Variants in PPARGC1A observed in about 807,000 individuals in gnomAD.
PPARGC1A encodes PPARG coactivator 1 alpha, also known as peroxisome proliferator-activated receptor gamma coactivator 1-alpha.
In PPARGC1A, 25 loss-of-function variants were observed where a neutral mutation model predicts 88.7. The observed-to-expected ratio is 0.28, with a 90% CI of 0.21 to 0.39. The LOEUF is 0.39. Ranked by LOEUF, PPARGC1A falls within the 10% of genes least tolerant of loss-of-function variation. The pLI is 1.00. For missense variants in PPARGC1A, 880 were observed against 968.7 expected (o/e 0.91, Z 1.22); for synonymous variants, 363 against 355.6 (o/e 1.02, Z -0.24).
the PPARGC1A span, among the ~76,000 whole-genome samples, chr4:24,336,788 C>G: frequency 6.6e-6 from 1 of 152,030 alleles, no homozygotes; most frequent in Non-Finnish European, 1.5e-5. Context: ...ATGAGGCAAA[C>G]ACAGTGGCTT....
At chr4:24,051,007 G>T in the PPARGC1A span, among the ~76,000 whole-genome samples, 1 of 151,848 alleles carries the variant, frequency 6.6e-6, no homozygotes, top group Non-Finnish European at 1.5e-5. Flanking sequence ...CTAACATGGT[G>T]AAACCCCGTC....
the PPARGC1A span, among the ~76,000 whole-genome samples, chr4:24,144,936 T>G: frequency 2.1e-5 from 3 of 143,262 alleles, no homozygotes; most frequent in Admixed American, 2.0e-4. Flanking sequence ...ATTTCAGGTT[T>G]TTTTTTTTTT....
chr4:23,852,914 C>T (rs1460216540), intron 2 of PPARGC1A, among the ~76,000 whole-genome samples: 2 of 152,126 alleles, frequency 1.3e-5, no homozygotes, highest in African/African-American at 4.8e-5. Flanking sequence ...CTTCCAGCTA[C>T]ATCATCACTG....
At chr4:24,375,904 A>G in the PPARGC1A span, among the ~76,000 whole-genome samples, 1 of 152,134 alleles carries the variant, frequency 6.6e-6, no homozygotes, top group Non-Finnish European at 1.5e-5. Context: ...CCAAGGGTGA[A>G]GAGGAAAGGC....
chr4:24,449,264 A>T, the PPARGC1A span, among the ~76,000 whole-genome samples: 1 of 152,136 alleles, frequency 6.6e-6, no homozygotes, highest in South Asian at 2.1e-4. Flanking sequence ...GTCTTCTACC[A>T]TCTGCTCACT....
the PPARGC1A span, among the ~76,000 whole-genome samples, chr4:24,104,189 G>T: frequency 1.4e-4 from 21 of 152,312 alleles, no homozygotes; most frequent in Non-Finnish European, 2.5e-4. Flanking sequence ...AGCAGCAAAA[G>T]CTCCTTAACA....
the PPARGC1A span, among the ~76,000 whole-genome samples, chr4:24,247,665 C>CA: frequency 6.6e-6 from 1 of 152,280 alleles, no homozygotes; most frequent in Admixed American, 6.5e-5. Context: ...GAGGTAGTTG[C>CA]CAGGATTGGC....
chr4:24,260,219 A>G, the PPARGC1A span, among the ~76,000 whole-genome samples: 3 of 152,256 alleles, frequency 2.0e-5, no homozygotes, highest in East Asian at 5.8e-4. Flanking sequence ...CGGAGGCAAG[A>G]ATGTGCATGT....
At chr4:24,151,377 G>A in the PPARGC1A span, among the ~76,000 whole-genome samples, 1 of 152,156 alleles carries the variant, frequency 6.6e-6, no homozygotes, top group Non-Finnish European at 1.5e-5. Flanking sequence ...AGTGAAGAGA[G>A]AAAGGGCTCT....
chr4:24,078,622 C>T, the PPARGC1A span, among the ~76,000 whole-genome samples: 2 of 152,034 alleles, frequency 1.3e-5, no homozygotes, highest in Non-Finnish European at 2.9e-5. Context: ...CGTATCTCAC[C>T]TTCTACCTTC....
At chr4:24,157,713 G>A in the PPARGC1A span, among the ~76,000 whole-genome samples, 1 of 151,832 alleles carries the variant, frequency 6.6e-6, no homozygotes, top group Non-Finnish European at 1.5e-5. Flanking sequence ...TATTCCAAGA[G>A]CTCTGCTTCC....
intron 2 of PPARGC1A, among the ~76,000 whole-genome samples, chr4:23,873,585 T>G (rs1487688840): frequency 6.7e-6 from 1 of 150,250 alleles, no homozygotes; most frequent in African/African-American, 2.4e-5. Context: ...TTTAGTAAGG[T>G]GCAAATTTGG....
the PPARGC1A span, among the ~76,000 whole-genome samples, chr4:24,315,907 A>C: frequency 2.6e-5 from 4 of 152,190 alleles, no homozygotes; most frequent in Admixed American, 2.6e-4. Flanking sequence ...GACAGATCTA[A>C]AGGTTCTATT....
At chr4:24,229,152 C>CTTTTTTTTTTTTTTGTTTTT in the PPARGC1A span, among the ~76,000 whole-genome samples, 2 of 60,896 alleles carry the variant, frequency 3.3e-5, no homozygotes, top group South Asian at 8.8e-4. Context: ...GTATCTGGAC[C>CTTTTTTTTTTTTTTGTTTTT]TTTTTTTTTT....
chr4:23,835,989 T>G (rs563165756), intron 2 of PPARGC1A, among the ~76,000 whole-genome samples: 14 of 152,342 alleles, frequency 9.2e-5, no homozygotes, highest in African/African-American at 2.6e-4. Flanking sequence ...ACTGGCCTAC[T>G]CACACATGTC....
upstream of PPARGC1A, among the ~76,000 whole-genome samples, chr4:23,904,890 C>T (rs1352324980): frequency 6.6e-6 from 1 of 152,200 alleles, no homozygotes; most frequent in Non-Finnish European, 1.5e-5. Flanking sequence ...GATACTTTTA[C>T]ACTCTGACAG....
chr4:23,795,643 A>G lies in PPARGC1A; in HGVS notation c.*179T>C. On this transcript the variant is annotated 3_prime_UTR_variant, in exon 13 of 13. Transcript: ENST00000264867. ...CTCTTCAGCAGCTGTGTTCATGTAA[A>G]CCATTGTTGTTATTGTTGTTGTTGT... 1.8e-6 allele frequency: 1 copy of G among 550,870 alleles called. No individual in the cohort carries two copies. The highest frequency in any genetic ancestry group is 2.3e-5 in the South Asian group (1 of 43,012). 34.1% of individuals were successfully genotyped at this position (550,870 alleles called of 1,614,324 possible).
chr4:24,243,599 G>A, the PPARGC1A span, among the ~76,000 whole-genome samples: 1 of 152,224 alleles, frequency 6.6e-6, no homozygotes, highest in Non-Finnish European at 1.5e-5. Context: ...AATAGAAAGA[G>A]TAGGGTTTTT....
At chr4:24,238,739 TTGTATATGTGTG>T in the PPARGC1A span, among the ~76,000 whole-genome samples, 1 of 129,776 alleles carries the variant, frequency 7.7e-6, no homozygotes, top group Non-Finnish European at 1.6e-5. Flanking sequence ...CAATCCAAGG[TTGTATATGTGTG>T]TGTGTGTGTG....
Sources: allele counts gnomAD v4.1 joint callset (sites outside exome capture counted in the v4.1 genomes callset), GRCh38; gene constraint gnomAD v4.1.1; transcripts MANE v1.5; gene names NCBI Gene and HGNC (gene_info 2026-07-23, HGNC 2026-07-21).